The following CSMD1 variants were observed in gnomAD, a reference collection of about 807,000 sequenced individuals.
CSMD1 encodes the protein CUB and Sushi multiple domains 1, also known as CUB and sushi domain-containing protein 1.
CSMD1 carries 213 observed loss-of-function variants against 417.5 expected under a neutral mutation model. The observed-to-expected ratio is 0.51, with a 90% confidence interval of 0.46 to 0.57. The LOEUF (loss-of-function observed/expected upper bound fraction) is 0.57. Among genes scored for constraint, CSMD1 ranks in the 20% least tolerant of loss-of-function variants. The pLI, the probability that CSMD1 is intolerant of heterozygous loss-of-function variation, is 0.00. For missense variants in CSMD1, 6,923 were observed against 4,529.7 expected (o/e 1.53, Z -15.17); for synonymous variants, 2,862 against 1,736.8 (o/e 1.65, Z -16.11).
intron 5 of CSMD1, among the ~76,000 whole-genome samples, chr8:3,860,631 C>T (rs1804637062): frequency 6.6e-6 from 1 of 152,070 alleles, no homozygotes. Context: ...TAGTTACAGT[C>T]CATTAATTTT....
At chr8:4,621,899 T>C (rs1461035728) in intron 2 of CSMD1, among the ~76,000 whole-genome samples, 3 of 151,946 alleles carry the variant, frequency 2.0e-5, no homozygotes, top group Non-Finnish European at 4.4e-5. Context: ...TTCAATGTAA[T>C]TGAACATATA....
intron 1 of CSMD1, among the ~76,000 whole-genome samples, chr8:4,702,334 G>C (rs1269414890): frequency 6.6e-6 from 1 of 152,162 alleles, no homozygotes; most frequent in African/African-American, 2.4e-5. Context: ...ACTGGATTAG[G>C]AATCTTTGCT....
chr8:3,415,020 C>T (rs899326677), intron 12 of CSMD1, among the ~76,000 whole-genome samples: 1 of 152,172 alleles, frequency 6.6e-6, no homozygotes, highest in Admixed American at 6.5e-5. Flanking sequence ...AAATCTGTAG[C>T]ACCTGTTCAG....
At chr8:3,835,260 C>A (rs567323161) in intron 5 of CSMD1, among the ~76,000 whole-genome samples, 3 of 151,834 alleles carry the variant, frequency 2.0e-5, no homozygotes, top group Non-Finnish European at 4.4e-5. Flanking sequence ...TATAAAGACA[C>A]ATGCACACAT....
At chr8:4,580,257 C>T (rs1469444515) in intron 2 of CSMD1, among the ~76,000 whole-genome samples, 1 of 152,184 alleles carries the variant, frequency 6.6e-6, no homozygotes, top group African/African-American at 2.4e-5. Flanking sequence ...CCTCTGCTCT[C>T]GGCTGTGGTC....
At chr8:4,474,791 G>A (rs925417440) in intron 2 of CSMD1, among the ~76,000 whole-genome samples, 2 of 152,124 alleles carry the variant, frequency 1.3e-5, no homozygotes, top group African/African-American at 4.8e-5. Flanking sequence ...TCAGCATGAA[G>A]ACCATGAGGA....
rs144085766 is a variant in CSMD1, at chr8:3,541,167, G to T, written c.1344+33778C>A. On this transcript the variant is annotated intron_variant, in intron 10 of 69. Coordinates refer to ENST00000635120, the MANE Select transcript of CSMD1 (RefSeq NM_033225.6). ...ATGACAGACTGGATAAAGAAAATGTGGTAGATATACACCATGGAATGCTAT... is the reference window on the plus strand; with the variant it reads ...ATGACAGACTGGATAAAGAAAATGTTGTAGATATACACCATGGAATGCTAT... Among the ~76,000 whole-genome samples, 1,032 of 152,290 alleles carry T rather than the reference G, an allele frequency of 6.8e-3. 15 individuals are homozygous for T. The highest frequency in any genetic ancestry group is 0.024 in the African/African-American group (979 of 41,564).
chr8:4,787,742 A>G (rs1797482334), intron 1 of CSMD1: 2 of 1,588,864 alleles, frequency 1.3e-6, no homozygotes, highest in Non-Finnish European at 1.7e-6. Context: ...TCTGAGGAAC[A>G]GCTGATTGCT....
At chr8:4,151,210 T>G (rs1005999751) in intron 3 of CSMD1, among the ~76,000 whole-genome samples, 1 of 152,176 alleles carries the variant, frequency 6.6e-6, no homozygotes, top group Admixed American at 6.5e-5. Context: ...AACCTCTTCT[T>G]GTAATATCAA....
At chr8:4,543,309 C>T (rs188952596) in intron 2 of CSMD1, among the ~76,000 whole-genome samples, 95 of 152,278 alleles carry the variant, frequency 6.2e-4, no homozygotes, top group African/African-American at 2.1e-3. Context: ...TCCCTCCCTT[C>T]CTCCACCCCC....
intron 12 of CSMD1, among the ~76,000 whole-genome samples, chr8:3,423,327 C>G (rs1813615306): frequency 6.6e-6 from 1 of 152,156 alleles, no homozygotes. Flanking sequence ...CATTTTCAGT[C>G]CATTTTTTCT....
chr8:4,039,787 G>T (rs567402266), intron 3 of CSMD1, among the ~76,000 whole-genome samples: 3 of 152,182 alleles, frequency 2.0e-5, no homozygotes, highest in Non-Finnish European at 2.9e-5. Flanking sequence ...TTATAGAAAA[G>T]TATATGGCAC....
At chr8:4,624,326 C>T (rs754130945) in intron 2 of CSMD1, among the ~76,000 whole-genome samples, 1 of 152,048 alleles carries the variant, frequency 6.6e-6, no homozygotes, top group Non-Finnish European at 1.5e-5. Flanking sequence ...ATTCTTCGAG[C>T]TCTTGTCAAA....
intron 1 of CSMD1, among the ~76,000 whole-genome samples, chr8:4,857,173 A>G (rs1801852633): frequency 6.6e-6 from 1 of 151,038 alleles, no homozygotes. Context: ...ACTACTGGGT[A>G]CATAACGAAA....
rs142108596 is a variant in CSMD1, at chr8:4,235,698, T to C, written c.415+184255A>G. 2.7e-4 allele frequency among the ~76,000 whole-genome samples: 41 copies of C among 152,318 alleles called. No individual in the cohort carries two copies. The East Asian group carries it at 6.7e-3, about 25-fold the overall frequency. On this transcript the variant is annotated intron_variant, in intron 3 of 69. Transcript: ENST00000635120. ...TGTTGCCATGTTTTCCTGAAGAATT[T>C]TATTTATTCTTGTGATATGTAAGTT...
intron 1 of CSMD1, among the ~76,000 whole-genome samples, chr8:4,779,227 G>A (rs568403946): frequency 2.6e-4 from 40 of 152,180 alleles, no homozygotes; most frequent in East Asian, 7.7e-4. Flanking sequence ...TTATGTTAAC[G>A]TCTCCCAGCC....
intron 5 of CSMD1, among the ~76,000 whole-genome samples, chr8:3,967,116 A>C (rs1812726846): frequency 1.3e-5 from 2 of 152,002 alleles, no homozygotes; most frequent in Admixed American, 6.6e-5. Context: ...TTCATAGAGA[A>C]ACGGACTAAT....
chr8:4,413,564 T>A (rs1234700884), intron 3 of CSMD1, among the ~76,000 whole-genome samples: 1 of 152,162 alleles, frequency 6.6e-6, no homozygotes, highest in African/African-American at 2.4e-5. Flanking sequence ...TTTTAAAAAA[T>A]TATTTTATCA....
At chr8:3,353,359 T>C (rs1397621960) in intron 21 of CSMD1, among the ~76,000 whole-genome samples, 3 of 152,212 alleles carry the variant, frequency 2.0e-5, no homozygotes, top group Non-Finnish European at 2.9e-5. Context: ...TCCATTCCTA[T>C]CTGCTCTCTA....
Sources: allele counts gnomAD v4.1 joint callset (sites outside exome capture counted in the v4.1 genomes callset), GRCh38; gene constraint gnomAD v4.1.1; transcripts MANE v1.5; gene names NCBI Gene and HGNC (gene_info 2026-07-23, HGNC 2026-07-21).